NTRK3: variants seen among roughly 807,000 people sequenced by gnomAD.
The protein encoded by NTRK3 is neurotrophic receptor tyrosine kinase 3.
A neutral mutation model predicts 91.7 loss-of-function variants in NTRK3; 24 were observed. The ratio of observed to expected loss-of-function variants is 0.26; its 90% CI spans 0.19 to 0.37. The LOEUF is 0.37. Ranked by LOEUF, NTRK3 falls within the 10% of genes least tolerant of loss-of-function variation. The probability of loss-of-function intolerance (pLI) is 1.00; values close to 1 mark genes in which losing one functional copy is unlikely to be tolerated. For synonymous variants in NTRK3, 483 were observed against 404.0 expected, an observed-to-expected ratio of 1.20 and a Z score of -2.34; for missense variants, 880 against 1,068.9, an observed-to-expected ratio of 0.82 and a Z score of 2.46.
At chr15:88,186,078 C>A (rs1474616910) in intron 3 of NTRK3, among the ~76,000 whole-genome samples, 1 of 152,152 alleles carries the variant, frequency 6.6e-6, no homozygotes, top group South Asian at 2.1e-4. Context: ...AAAGAAAGCG[C>A]CAGAGGAGTA....
intron 14 of NTRK3, among the ~76,000 whole-genome samples, chr15:88,003,172 C>T (rs777626040): frequency 2.6e-5 from 4 of 152,222 alleles, no homozygotes; most frequent in Non-Finnish European, 5.9e-5. Context: ...TCTTTTGAAG[C>T]ACACAAGTGT....
intron 13 of NTRK3, among the ~76,000 whole-genome samples, chr15:88,094,475 C>CAAAAAAAAA (rs10610101): frequency 1.2e-3 from 37 of 30,278 alleles, no homozygotes; most frequent in Non-Finnish European, 2.1e-3. Flanking sequence ...GACTCCGTCT[C>CAAAAAAAAA]AAAAAAAAAA....
intron 5 of NTRK3, among the ~76,000 whole-genome samples, chr15:88,158,629 C>T (rs1441667125): frequency 3.3e-5 from 5 of 152,164 alleles, no homozygotes; most frequent in Admixed American, 1.3e-4. Flanking sequence ...AACTATTCTG[C>T]GGGGTGGGTG....
chr15:88,048,771 G>A (rs183386026), intron 13 of NTRK3, among the ~76,000 whole-genome samples: 9 of 152,314 alleles, frequency 5.9e-5, no homozygotes, highest in Non-Finnish European at 1.2e-4. Flanking sequence ...TCAAGATCTT[G>A]TAAAAGTCAA....
intron 17 of NTRK3, among the ~76,000 whole-genome samples, chr15:87,923,689 A>G (rs528742071): frequency 9.9e-5 from 15 of 152,192 alleles, no homozygotes; most frequent in Non-Finnish European, 1.9e-4. Flanking sequence ...TAGGGTTTGA[A>G]AGTGTCCTCC....
intron 10 of NTRK3, 118 bp downstream of exon 10, chr15:88,134,983 G>A (rs1219272156): frequency 1.6e-6 from 2 of 1,223,366 alleles, no homozygotes. Flanking sequence ...TGTGTGTTTT[G>A]TTGCCCATGA....
At chr15:88,001,730 A>G (rs893432042) in intron 14 of NTRK3, among the ~76,000 whole-genome samples, 11 of 152,118 alleles carry the variant, frequency 7.2e-5, no homozygotes, top group Non-Finnish European at 1.2e-4. Context: ...TATCGTCTCT[A>G]TTACTGTAGC....
chr15:87,861,811 G>A (rs3743165), exon 19 of NTRK3: 113,795 of 199,586 alleles, frequency 0.57, 33,120 homozygotes, highest in East Asian at 0.62. Flanking sequence ...AATTGTATTC[G>A]CTGGCCAGTT....
At chr15:88,213,318 C>T (rs939831032) in intron 3 of NTRK3, among the ~76,000 whole-genome samples, 3 of 152,158 alleles carry the variant, frequency 2.0e-5, no homozygotes, top group African/African-American at 7.2e-5. Context: ...CTGGAGGAAA[C>T]TCTACTTTTA....
Position 88,240,120 on chromosome 15 carries a change from C to T in NTRK3, c.248+15786G>A, listed in dbSNP as rs2052192402. On this transcript the variant is annotated intron_variant, in intron 3 of 18. Coordinates refer to ENST00000394480, the Ensembl canonical transcript of NTRK3. The surrounding 1 kb of genome is among the most constrained non-coding windows in gnomAD (Gnocchi z 4.9). ...CTGTGTGCAGGAGCACAGCCCCCCT[C>T]CCCTCCCCCACAGGATTGCCCCCAG... is the stretch of plus-strand genomic sequence containing the variant. Among the ~76,000 whole-genome samples the T allele has an allele frequency of 6.6e-6, 1 of 151,684 alleles. No homozygotes were observed. The highest frequency in any genetic ancestry group is 1.5e-5 in the Non-Finnish European group (1 of 67,930).
At chr15:88,138,296 G>C (rs961748817) in intron 6 of NTRK3, among the ~76,000 whole-genome samples, 1 of 151,930 alleles carries the variant, frequency 6.6e-6, no homozygotes, top group African/African-American at 2.4e-5. Flanking sequence ...TGCAGTCCCA[G>C]CTACTCAGGA....
intron 14 of NTRK3, among the ~76,000 whole-genome samples, chr15:87,961,664 C>G (rs569758780): frequency 6.6e-6 from 1 of 152,220 alleles, no homozygotes; most frequent in East Asian, 1.9e-4. Context: ...GCAGTCTGTC[C>G]CCTAAAAGCT....
chr15:88,193,672 C>T (rs1489154142), intron 3 of NTRK3, among the ~76,000 whole-genome samples: 3 of 152,206 alleles, frequency 2.0e-5, no homozygotes, highest in Non-Finnish European at 4.4e-5. Flanking sequence ...AACCATTTAG[C>T]TATCAGCTTC....
chr15:87,939,483 G>A (rs1305288600), intron 15 of NTRK3, among the ~76,000 whole-genome samples: 1 of 152,216 alleles, frequency 6.6e-6, no homozygotes, highest in African/African-American at 2.4e-5. Context: ...TGCTATGCCT[G>A]CACTGTATTG....
At chr15:87,886,751 C>CAT (rs377719175) in intron 17 of NTRK3, among the ~76,000 whole-genome samples, 43 of 132,298 alleles carry the variant, frequency 3.3e-4, no homozygotes, top group African/African-American at 5.9e-4. Flanking sequence ...CACACACACA[C>CAT]ATATATATAT....
chr15:88,194,887 A>G (rs2047688757), intron 3 of NTRK3, among the ~76,000 whole-genome samples: 1 of 151,954 alleles, frequency 6.6e-6, no homozygotes, highest in Non-Finnish European at 1.5e-5. Context: ...GGACCTTCGC[A>G]TTTATTTTTC....
At position 88,234,412 on chromosome 15, in the gene NTRK3, A is replaced by G. The variant is rs2051492766; in HGVS notation, c.248+21494T>C. ...CCAGCCATCATTATAAGAAGCCCAT[A>G]TTCCTTGGGCCTGCACAGTCTCTCC... On this transcript the variant is annotated intron_variant, in intron 3 of 18. Coordinates refer to ENST00000394480, the Ensembl canonical transcript of NTRK3. The surrounding 1 kb of genome is among the most constrained non-coding windows in gnomAD (Gnocchi z 6.1). Among the ~76,000 whole-genome samples, 1 of 152,172 alleles carries G rather than the reference A, an allele frequency of 6.6e-6. No individual in the cohort carries two copies. The highest frequency in any genetic ancestry group is 2.4e-5 in the African/African-American group (1 of 41,426).
At chr15:88,094,539 A>G (rs950884582) in intron 13 of NTRK3, among the ~76,000 whole-genome samples, 140 of 151,734 alleles carry the variant, frequency 9.2e-4, no homozygotes, top group African/African-American at 3.3e-3. Context: ...TCCCCAAAGC[A>G]GACCCCTCCC....
chr15:88,190,814 G>A (rs1053928666), intron 3 of NTRK3, among the ~76,000 whole-genome samples: 3 of 152,194 alleles, frequency 2.0e-5, no homozygotes, highest in African/African-American at 7.2e-5. Flanking sequence ...GGTTAGAGAA[G>A]GTAATGCCTA....
Sources: gnomAD v4.1 joint callset for allele counts (sites outside exome capture counted in the v4.1 genomes callset) on GRCh38, gnomAD v4.1.1 for gene constraint, Gnocchi (gnomAD v3.1) non-coding constraint, MANE v1.5 for transcripts, NCBI Gene and HGNC (gene_info 2026-07-23, HGNC 2026-07-21) for gene names.